CAV1: variants seen among roughly 807,000 people sequenced by gnomAD.
CAV1 encodes the protein caveolin-1.
Under a neutral mutation model 16.5 loss-of-function variants are expected in CAV1, and 10 were observed. The ratio of observed to expected loss-of-function variants is 0.61; its 90% CI spans 0.37 to 1.03. The LOEUF (loss-of-function observed/expected upper bound fraction) is 1.03. Among genes scored for constraint, CAV1 ranks in the 50% least tolerant of loss-of-function variants. The pLI, the probability that CAV1 is intolerant of heterozygous loss-of-function variation, is 0.01. For synonymous variants in CAV1, 76 were observed against 85.1 expected, an observed-to-expected ratio of 0.89 and a Z score of 0.59; for missense variants, 212 against 232.8, an observed-to-expected ratio of 0.91 and a Z score of 0.58.
chr7:116,559,628 A>T lies in CAV1; in HGVS notation c.*341A>T. ...GAACTGAGGAGGAAAAAAAAAAAAA[A>T]GAAAAGAACCAACAACCTCAACTGC... On this transcript the variant is annotated 3_prime_UTR_variant, in exon 3 of 3. Coordinates refer to ENST00000341049, the MANE Select transcript of CAV1 (RefSeq NM_001753.5). 2 of 530,934 alleles carry T rather than the reference A, an allele frequency of 3.8e-6. No homozygotes were observed. The highest frequency in any genetic ancestry group is 6.1e-5 in the East Asian group (2 of 32,954). The allele number at this position is 530,934 out of a possible 1,614,324, so 32.9% of individuals were successfully genotyped here. A position where few individuals can be genotyped will look rare whatever the true frequency, so the allele number is the denominator to read the frequency against.
intron 2 of CAV1, among the ~76,000 whole-genome samples, chr7:116,537,101 A>G (rs1357792704): frequency 1.3e-5 from 2 of 152,268 alleles, no homozygotes; most frequent in African/African-American, 2.4e-5. Flanking sequence ...ATATTCTTAA[A>G]GACACAACCA....
chr7:116,545,274 G>A (rs1226862494), intron 2 of CAV1, among the ~76,000 whole-genome samples: 1 of 152,176 alleles, frequency 6.6e-6, no homozygotes, highest in African/African-American at 2.4e-5. Flanking sequence ...ACAGTGCACA[G>A]GACAGTACCC....
In CAV1 at chr7:116,560,273, C is replaced by T. The variant is rs1370921034; in HGVS notation, c.*986C>T. 4 of 158,222 alleles carry T rather than the reference C, an allele frequency of 2.5e-5. No homozygotes were observed. Among genetic ancestry groups the T allele is most frequent in the Non-Finnish European group, 4.1e-5 (3 of 72,370 alleles). The allele number at this position is 158,222 out of a possible 1,614,324, so 9.8% of individuals were successfully genotyped here. On this transcript the variant is annotated 3_prime_UTR_variant, in exon 3 of 3. Transcript: ENST00000341049. ...TGAGGTCAGCATGTCTATTCAGCTT[C>T]GTTTATTTTCAAGAATAATCACGCT...
chr7:116,526,803 C>G (rs1385337979), intron 2 of CAV1, 114 bp downstream of exon 2: 2 of 1,176,536 alleles, frequency 1.7e-6, no homozygotes, highest in South Asian at 1.3e-5. Context: ...CCCCTACACG[C>G]GCACACACAC....
At chr7:116,544,620 A>G (rs1315601160) in intron 2 of CAV1, among the ~76,000 whole-genome samples, 1 of 152,230 alleles carries the variant, frequency 6.6e-6, no homozygotes, top group East Asian at 1.9e-4. Flanking sequence ...GAGTGAGCCA[A>G]GTGCAGAGTG....
At chr7:116,534,850 G>A (rs1409014344) in intron 2 of CAV1, among the ~76,000 whole-genome samples, 2 of 152,142 alleles carry the variant, frequency 1.3e-5, no homozygotes, top group African/African-American at 4.8e-5. Flanking sequence ...CACCCTGGTT[G>A]ATTCTACCTG....
chr7:116,559,126 C>A lies in CAV1; in HGVS notation c.376C>A (p.His126Asn). The A allele has an allele frequency of 3.1e-6, 5 of 1,613,974 alleles. No individual in the cohort carries two copies. Among genetic ancestry groups the A allele is most frequent in the African/African-American group, 1.3e-5 (1 of 75,024 alleles). Reference sequence around the variant, plus strand: ...TTACTTCGCCATTCTCTCTTTCCTGCACATCTGGGCAGTTGTACCATGCAT... The same window carrying A: ...TTACTTCGCCATTCTCTCTTTCCTGAACATCTGGGCAGTTGTACCATGCAT... ...GIYFAILSFL[H>N]IWAVVPCIKS... is the part of the protein sequence containing the mutation. The change falls in exon 3 of 3, where the codon CAC (histidine) becomes AAC (asparagine). Residue 126 changes from histidine (H) to asparagine (N), a missense_variant. Transcript: ENST00000341049.
intron 2 of CAV1, among the ~76,000 whole-genome samples, chr7:116,554,435 G>A (rs1163964583): frequency 6.6e-6 from 1 of 152,178 alleles, no homozygotes; most frequent in East Asian, 1.9e-4. Flanking sequence ...TATGAATGGA[G>A]TAGGCAGAGA....
intron 2 of CAV1, among the ~76,000 whole-genome samples, chr7:116,535,827 C>T (rs1793800150): frequency 6.6e-6 from 1 of 152,182 alleles, no homozygotes; most frequent in East Asian, 1.9e-4. Flanking sequence ...TTCCTAAAGA[C>T]ACAACCGAGT....
intron 2 of CAV1, among the ~76,000 whole-genome samples, chr7:116,536,684 C>T (rs1328792565): frequency 6.6e-6 from 1 of 152,186 alleles, no homozygotes; most frequent in Non-Finnish European, 1.5e-5. Flanking sequence ...GCCACAGCGA[C>T]CCACAGAGGG....
In CAV1 at chr7:116,559,743, A is replaced by C. The variant is rs8713; in HGVS notation, c.*456A>C. ...CAAGTATGTGGGCAGATTTTCAGCAAACTCTTTTCCCACTGTTTAAGGAGT... is the reference window on the plus strand; with the variant it reads ...CAAGTATGTGGGCAGATTTTCAGCACACTCTTTTCCCACTGTTTAAGGAGT... On this transcript the variant is annotated 3_prime_UTR_variant, in exon 3 of 3. Transcript: ENST00000341049. 71,663 of 433,510 alleles carry C rather than the reference A, an allele frequency of 0.17. 6,984 individuals are homozygous for C. Among genetic ancestry groups the C allele is most frequent in the African/African-American group, 0.29 (14,361 of 48,856 alleles). 26.9% of individuals were successfully genotyped at this position (433,510 alleles called of 1,614,324 possible).
At chr7:116,529,070 T>C (rs1793631772) in intron 2 of CAV1, among the ~76,000 whole-genome samples, 1 of 152,160 alleles carries the variant, frequency 6.6e-6, no homozygotes, top group Non-Finnish European at 1.5e-5. Flanking sequence ...CCTCAAGTGA[T>C]CCACTGGTCT....
chr7:116,526,731 C>G, intron 2 of CAV1, 42 bp downstream of exon 2: 1 of 1,612,126 alleles, frequency 6.2e-7, no homozygotes, highest in Non-Finnish European at 8.5e-7. Context: ...GGACAGCTCT[C>G]CTCTGGCAGT....
At chr7:116,541,966 A>G (rs969109765) in intron 2 of CAV1, among the ~76,000 whole-genome samples, 1 of 152,292 alleles carries the variant, frequency 6.6e-6, no homozygotes, top group East Asian at 1.9e-4. Flanking sequence ...TCATAATTAA[A>G]CATAGACATA....
At chr7:116,538,542 G>A (rs1218581980) in intron 2 of CAV1, among the ~76,000 whole-genome samples, 1 of 152,188 alleles carries the variant, frequency 6.6e-6, no homozygotes, top group Non-Finnish European at 1.5e-5. Flanking sequence ...GCTTGTTCTT[G>A]AGAGCGAGGC....
intron 2 of CAV1, among the ~76,000 whole-genome samples, chr7:116,552,502 T>G (rs1426811853): frequency 6.6e-6 from 1 of 152,138 alleles, no homozygotes; most frequent in Non-Finnish European, 1.5e-5. Flanking sequence ...AGCTGTGGCT[T>G]TAAAATAAAG....
chr7:116,535,673 A>T (rs1793796587), intron 2 of CAV1, among the ~76,000 whole-genome samples: 1 of 152,180 alleles, frequency 6.6e-6, no homozygotes, highest in Non-Finnish European at 1.5e-5. Flanking sequence ...GTAGAACAGA[A>T]TTACACCTGC....
rs1266420858 is a variant in CAV1 at position 116,560,718 on chromosome 7, T to G, written c.*1431T>G. The G allele has an allele frequency of 6.6e-6, 1 of 152,616 alleles. No individual in the cohort carries two copies. Among genetic ancestry groups the G allele is most frequent in the Non-Finnish European group, 1.5e-5 (1 of 68,016 alleles). 9.5% of individuals were successfully genotyped at this position (152,616 alleles called of 1,614,324 possible). A position where few individuals can be genotyped will look rare whatever the true frequency, so the allele number is the denominator to read the frequency against. On this transcript the variant is annotated 3_prime_UTR_variant, in exon 3 of 3. Coordinates refer to ENST00000341049, the MANE Select transcript of CAV1 (RefSeq NM_001753.5). ...TCCTGCTCATATTGTGATTCTGCCTTTGGGGACTTTTCTTAAACCTTCAGT... is the reference window on the plus strand; with the variant it reads ...TCCTGCTCATATTGTGATTCTGCCTGTGGGGACTTTTCTTAAACCTTCAGT...
chr7:116,534,395 A>ATATTTTTTTTTTTTTTT (rs1442237865), intron 2 of CAV1, among the ~76,000 whole-genome samples: 1 of 7,844 alleles, frequency 1.3e-4, no homozygotes, highest in Non-Finnish European at 2.6e-4. Flanking sequence ...ATATATATAT[A>ATATTTTTTTTTTTTTTT]TTTTTTTTTT....
Sources: allele counts gnomAD v4.1 joint callset (sites outside exome capture counted in the v4.1 genomes callset), GRCh38; gene constraint gnomAD v4.1.1; transcripts MANE v1.5; gene names NCBI Gene and HGNC (gene_info 2026-07-23, HGNC 2026-07-21).